The following CHORDC1 variants were observed in gnomAD, a reference collection of about 807,000 sequenced individuals.
CHORDC1 encodes cysteine and histidine rich domain containing 1.
A neutral mutation model predicts 48.3 loss-of-function variants in CHORDC1; 25 were observed. That is an observed-to-expected ratio of 0.52 (90% CI 0.38 to 0.72). CHORDC1 has a LOEUF of 0.72. Ranked by LOEUF, CHORDC1 falls within the 30% of genes least tolerant of loss-of-function variation. The pLI is 0.00. For synonymous variants in CHORDC1, 128 were observed against 126.4 expected (o/e 1.01, Z -0.09); for missense variants, 317 against 388.7 (o/e 0.82, Z 1.55).
intron 6 of CHORDC1, among the ~76,000 whole-genome samples, chr11:90,209,852 A>T (rs1475626548): frequency 6.6e-6 from 1 of 152,150 alleles, no homozygotes; most frequent in Non-Finnish European, 1.5e-5. Flanking sequence ...CCAGTCACAG[A>T]ATCTTTCTAA....
intron 7 of CHORDC1, 53 bp downstream of exon 7, chr11:90,206,149 T>A (rs1857675623): frequency 1.8e-6 from 2 of 1,088,734 alleles, no homozygotes; most frequent in South Asian, 2.6e-5. Flanking sequence ...ACAGAAAGGT[T>A]TAACTTTCTA....
chr11:90,213,575 A>T (rs1857927210), intron 4 of CHORDC1: 1 of 501,246 alleles, frequency 2.0e-6, no homozygotes, highest in African/African-American at 2.0e-5. Flanking sequence ...CAAATGCATT[A>T]AAAATTGACC....
chr11:90,222,159 T>G (rs780508135), intron 1 of CHORDC1, among the ~76,000 whole-genome samples: 1 of 152,212 alleles, frequency 6.6e-6, no homozygotes, highest in Non-Finnish European at 1.5e-5. Context: ...TAATAGTCAT[T>G]TTCGCTTTGG....
intron 4 of CHORDC1, chr11:90,211,661 C>T (rs1159403118): frequency 4.8e-6 from 1 of 208,144 alleles, no homozygotes; most frequent in Non-Finnish European, 9.5e-6. Context: ...TGTACTTTTA[C>T]ATCCCATGCC....
intron 1 of CHORDC1, 199 bp downstream of exon 1, chr11:90,222,692 G>A (rs1264566506): frequency 1.4e-6 from 1 of 701,602 alleles, no homozygotes; most frequent in African/African-American, 1.8e-5. Context: ...CGCCGGGGCC[G>A]GGCGCTCGCC....
At chr11:90,207,787 A>AAAAAAT (rs1857743056) in intron 6 of CHORDC1, 3 of 146,250 alleles carry the variant, frequency 2.1e-5, no homozygotes, top group African/African-American at 4.9e-5. Flanking sequence ...AACAAAAAAA[A>AAAAAAT]CTCGTATAAC....
chr11:90,210,882 A>G (rs1033321937), intron 5 of CHORDC1: 63 of 357,258 alleles, frequency 1.8e-4, no homozygotes, highest in African/African-American at 1.2e-3. Context: ...GGTACCAGGT[A>G]TAAAGTCAGA....
chr11:90,203,257 A>T lies in CHORDC1; in HGVS notation c.789+51T>A, dbSNP rs752045334. The T allele has an allele frequency of 3.4e-6, 5 of 1,465,440 alleles. No homozygotes were observed. The East Asian group carries it at 1.1e-4, about 34-fold the overall frequency. The allele number at this position is 1,465,440 out of a possible 1,614,324, so 90.8% of individuals were successfully genotyped here. A position where few individuals can be genotyped will look rare whatever the true frequency, so the allele number is the denominator to read the frequency against. On this transcript the variant is annotated intron_variant, in intron 9 of 10. Transcript: ENST00000320585. ...AATACTTTAAAATACAGTAACATAA[A>T]GAATGATGTATAGAAAAGAACTTTT...
intron 1 of CHORDC1, among the ~76,000 whole-genome samples, chr11:90,220,673 G>A (rs765417685): frequency 2.6e-5 from 4 of 152,084 alleles, no homozygotes; most frequent in Admixed American, 6.6e-5. Flanking sequence ...CAAGCAAATG[G>A]ACATTCTTCA....
intron 8 of CHORDC1, among the ~76,000 whole-genome samples, chr11:90,204,947 T>TC (rs1565166921): frequency 6.6e-6 from 1 of 151,794 alleles, no homozygotes; most frequent in African/African-American, 2.4e-5. Flanking sequence ...GATGCTTTTT[T>TC]CCCCCCTTTT....
At chr11:90,204,711 G>GA (rs377551273) in intron 8 of CHORDC1, among the ~76,000 whole-genome samples, 29 of 144,520 alleles carry the variant, frequency 2.0e-4, no homozygotes, top group East Asian at 8.1e-4. Context: ...TCTGTCTCAA[G>GA]AAAAAAAAAA....
chr11:90,217,895 CAAA>C (rs71055891), intron 2 of CHORDC1: 58,506 of 176,708 alleles, frequency 0.33, 7,730 homozygotes, highest in East Asian at 0.55. Flanking sequence ...AACTCCATCT[CAAA>C]AAAAAAAAAA....
chr11:90,207,761 C>CAAAAAAAAAAAAAAAAAAAAAA (rs71055890), intron 6 of CHORDC1: 6 of 52,752 alleles, frequency 1.1e-4, no homozygotes, highest in African/African-American at 1.9e-4. Flanking sequence ...GGTTAAAATA[C>CAAAAAAAAAAAAAAAAAAAAAA]AAAAAAAAAA....
At chr11:90,213,693 G>A in intron 4 of CHORDC1, 1 of 456,374 alleles carries the variant, frequency 2.2e-6, no homozygotes, top group Non-Finnish European at 3.9e-6. Context: ...AAGGAAAACT[G>A]CTTCAAAGAA....
At position 90,202,465 on chromosome 11, in the gene CHORDC1, T is replaced by G; in HGVS notation, c.939A>C (p.Ala313=). ...TMRKAEPMQW[A]SLELPAAKKQ... ...TTTTAGCTGCAGGCAGTTCAAGGCT[T>G]GCCCACTGCATCGGTTCAGCTTTTC... is the stretch of plus-strand genomic sequence containing the variant. Residue 313 remains alanine (A), a synonymous_variant, in exon 11 of 11, where the codon GCA becomes GCC. Transcript: ENST00000320585. 6.2e-7 allele frequency: 1 copy of G among 1,612,292 alleles called. No homozygotes were observed. The highest frequency in any genetic ancestry group is 8.5e-7 in the Non-Finnish European group (1 of 1,179,638).
At position 90,206,232 on chromosome 11, in the gene CHORDC1, T is replaced by C. The variant is rs1443687956; in HGVS notation, c.533A>G (p.Tyr178Cys). Reference protein sequence around the residue: ...GLESLEEVCVYHSGVPIFHEG... With the variant: ...GLESLEEVCVCHSGVPIFHEG... ...ATGGAAAATAGGTACTCCAGAATGATATACACAGACTTCTTCTAGACTCTC... is the reference window on the plus strand; with the variant it reads ...ATGGAAAATAGGTACTCCAGAATGACATACACAGACTTCTTCTAGACTCTC... Residue 178 changes from tyrosine (Y) to cysteine (C), a missense_variant, in exon 7 of 11, where the codon TAT (tyrosine) becomes TGT (cysteine). Coordinates refer to ENST00000320585, the MANE Select transcript of CHORDC1 (RefSeq NM_012124.3). 6.3e-7 allele frequency: 1 copy of C among 1,575,374 alleles called. No homozygotes were observed. The highest frequency in any genetic ancestry group is 2.2e-5 in the East Asian group (1 of 44,588).
chr11:90,213,294 A>G, intron 4 of CHORDC1: 2 of 624,488 alleles, frequency 3.2e-6, no homozygotes, highest in Non-Finnish European at 5.7e-6. Flanking sequence ...TCATGAGTTC[A>G]TAGCATGAAT....
intron 7 of CHORDC1, 139 bp downstream of exon 7, chr11:90,206,063 G>A (rs1036446686): frequency 7.5e-6 from 5 of 669,296 alleles, no homozygotes; most frequent in Non-Finnish European, 1.4e-5. Flanking sequence ...CTGTGTTTGT[G>A]TAGGCTATTG....
Position 90,222,897 on chromosome 11 carries a change from A to G in CHORDC1, c.58T>C (p.Ser20Pro), listed in dbSNP as rs781659055. Reference sequence around the variant, plus strand: ...GGCGGCGCGTTCCTCTTACCGTCGGAATTGGTCTCAGGATCGAAGCGCTGA... The same window carrying G: ...GGCGGCGCGTTCCTCTTACCGTCGGGATTGGTCTCAGGATCGAAGCGCTGA... Reference protein sequence around the residue: ...CGQRFDPETNSDDACTYHPGV... With the variant: ...CGQRFDPETNPDDACTYHPGV... The change falls in exon 1 of 11, where the codon TCC (serine) becomes CCC (proline). Residue 20 changes from serine to proline, a missense_variant. By Grantham distance (74) the Ser-to-Pro change is moderately conservative. Transcript: ENST00000320585. 6.2e-7 allele frequency: 1 copy of G among 1,613,910 alleles called. No individual in the cohort carries two copies. Among genetic ancestry groups the G allele is most frequent in the Non-Finnish European group, 8.5e-7 (1 of 1,179,884 alleles).
Sources: gnomAD v4.1 joint callset for allele counts (sites outside exome capture counted in the v4.1 genomes callset) on GRCh38, gnomAD v4.1.1 for gene constraint, MANE v1.5 for transcripts, NCBI Gene and HGNC (gene_info 2026-07-23, HGNC 2026-07-21) for gene names.